The following CCDC80 variants were observed in gnomAD, a reference collection of about 807,000 sequenced individuals.
CCDC80 encodes coiled-coil domain-containing protein 80.
Under a neutral mutation model 78.7 loss-of-function variants are expected in CCDC80, and 49 were observed. That is an observed-to-expected ratio of 0.62 (90% CI 0.50 to 0.79). The LOEUF is 0.79. CCDC80 is among the 30% of genes least tolerant of loss of function. CCDC80 has a pLI of 0.00. For missense variants in CCDC80, 1,205 were observed against 1,198.6 expected, an observed-to-expected ratio of 1.01 and a Z score of -0.08; for synonymous variants, 488 against 447.0, an observed-to-expected ratio of 1.09 and a Z score of -1.16.
Position 112,630,849 on chromosome 3 carries a change from G to A in CCDC80, c.1879-580C>T, listed in dbSNP as rs186122689. On this transcript the variant is annotated intron_variant, in intron 2 of 7. Coordinates refer to ENST00000206423, the MANE Select transcript of CCDC80 (RefSeq NM_199511.3). ...TTTTGTCACATAGAATATATTCACT[G>A]TCACATTCAGCCTGCACAGAGTTGG... Among the ~76,000 whole-genome samples, 4 of 152,262 alleles carry A rather than the reference G, an allele frequency of 2.6e-5. No homozygotes were observed. The East Asian group carries it at 7.7e-4, about 29-fold the overall frequency.
At chr3:112,623,577 C>T (rs1464329650) in intron 3 of CCDC80, among the ~76,000 whole-genome samples, 2 of 152,304 alleles carry the variant, frequency 1.3e-5, no homozygotes, top group Admixed American at 6.5e-5. Context: ...GATCAATTGA[C>T]TCAGAATTAC....
At chr3:112,619,200 C>T in intron 3 of CCDC80, 96 bp from the exon 4 acceptor site, 2 of 1,164,374 alleles carry the variant, frequency 1.7e-6, no homozygotes, top group Non-Finnish European at 2.3e-6. Context: ...TCACACCAGC[C>T]TTCATTAGTT....
chr3:112,616,575 G>A (rs1254086859), intron 5 of CCDC80, 135 bp downstream of exon 5: 2 of 968,546 alleles, frequency 2.1e-6, no homozygotes, highest in Non-Finnish European at 3.1e-6. Flanking sequence ...TCAGTGGCCA[G>A]AGATGGGTAG....
At chr3:112,627,673 C>T (rs907983925) in intron 3 of CCDC80, among the ~76,000 whole-genome samples, 1 of 152,100 alleles carries the variant, frequency 6.6e-6, no homozygotes, top group Non-Finnish European at 1.5e-5. Flanking sequence ...ATCCCATGGC[C>T]GACTCCCAGT....
chr3:112,609,255 T>C (rs1195168799), intron 6 of CCDC80, among the ~76,000 whole-genome samples: 1 of 152,202 alleles, frequency 6.6e-6, no homozygotes, highest in Non-Finnish European at 1.5e-5. Flanking sequence ...ACTGCCTATA[T>C]ATCCATATCC....
intron 2 of CCDC80, among the ~76,000 whole-genome samples, chr3:112,632,916 C>A (rs571885205): frequency 6.6e-6 from 1 of 152,232 alleles, no homozygotes; most frequent in Non-Finnish European, 1.5e-5. Flanking sequence ...TAGAGCCAGA[C>A]CCAGTCTAAA....
chr3:112,623,408 C>G (rs1239140782), intron 3 of CCDC80, among the ~76,000 whole-genome samples: 1 of 152,202 alleles, frequency 6.6e-6, no homozygotes, highest in African/African-American at 2.4e-5. Context: ...CCTCTCTTGC[C>G]TAAGTTCAGG....
intron 3 of CCDC80, among the ~76,000 whole-genome samples, chr3:112,620,123 A>G (rs991074236): frequency 2.0e-5 from 3 of 152,206 alleles, no homozygotes; most frequent in African/African-American, 7.2e-5. Flanking sequence ...AACAACCACA[A>G]TTTTGCAAAT....
chr3:112,618,813 C>T lies in CCDC80; in HGVS notation c.2172+155G>A, dbSNP rs569470639. ...GAGACCACATTTCTGGATGCAAATT[C>T]GTAGGACAACATGGAAAATTTGGCC... On this transcript the variant is annotated intron_variant, in intron 4 of 7. Coordinates refer to ENST00000206423, the MANE Select transcript of CCDC80 (RefSeq NM_199511.3). Among the ~76,000 whole-genome samples, 39 of 152,324 alleles carry T rather than the reference C, an allele frequency of 2.6e-4. 1 individual carries two copies. The South Asian group carries it at 7.7e-3, about 30-fold the overall frequency.
At chr3:112,616,434 G>GAAA (rs138795484) in intron 5 of CCDC80, among the ~76,000 whole-genome samples, 13 of 35,990 alleles carry the variant, frequency 3.6e-4, no homozygotes, top group Admixed American at 2.4e-3. Flanking sequence ...CAAAGAAAGA[G>GAAA]AAAAAAAAAG....
chr3:112,622,187 T>G (rs1935881509), intron 3 of CCDC80, among the ~76,000 whole-genome samples: 1 of 152,240 alleles, frequency 6.6e-6, no homozygotes, highest in Non-Finnish European at 1.5e-5. Flanking sequence ...AGGCAAACTT[T>G]GCTTTACTAG....
rs572573022 is a variant in CCDC80 at position 112,605,138 on chromosome 3, C to G, written c.*279G>C. 7.1e-6 allele frequency: 2 copies of G among 281,868 alleles called. No homozygotes were observed. The highest frequency in any genetic ancestry group is 3.0e-4 in the South Asian group (2 of 6,582). 17.5% of individuals were successfully genotyped at this position (281,868 alleles called of 1,614,324 possible). A position where few individuals can be genotyped will look rare whatever the true frequency, so the allele number is the denominator to read the frequency against. The stretch of plus-strand genomic sequence containing the variant: ...AAAATTTTATATGCCAAATAAGGTC[C>G]TTCATATAAGAAAAGGAAAATAATA... On this transcript the variant is annotated 3_prime_UTR_variant, in exon 8 of 8. Transcript: ENST00000206423.
rs1373068645 is a variant in CCDC80 at position 112,639,503 on chromosome 3, C to T, written c.403G>A (p.Gly135Arg). ...GCAAGGATGTTGGGAGAGCTGGACC[C>T]CGAAGGGAAACGCAACATTCTTGAC... ...ARSRMLRFPS[G>R]SSSPNILASF... The change falls in exon 2 of 8, where the codon GGG (glycine) becomes AGG (arginine). Residue 135 changes from glycine to arginine, a missense_variant. By Grantham distance (125) the Gly-to-Arg change is moderately radical (BLOSUM62 -2). Transcript: ENST00000206423. 1.8e-5 allele frequency: 29 copies of T among 1,614,092 alleles called. No homozygotes were observed. Among genetic ancestry groups the T allele is most frequent in the Non-Finnish European group, 2.4e-5 (28 of 1,180,042 alleles).
At chr3:112,625,131 C>T (rs903471788) in intron 3 of CCDC80, among the ~76,000 whole-genome samples, 1 of 152,114 alleles carries the variant, frequency 6.6e-6, no homozygotes, top group East Asian at 1.9e-4. Context: ...AATATAAATG[C>T]TCCCTAAGCA....
chr3:112,634,691 AT>A (rs1936170095), intron 2 of CCDC80, among the ~76,000 whole-genome samples: 1 of 152,210 alleles, frequency 6.6e-6, no homozygotes, highest in Non-Finnish European at 1.5e-5. Flanking sequence ...ATGTATTTGT[AT>A]TCATATGTAT....
chr3:112,610,791 T>C (rs1935607059), intron 5 of CCDC80, among the ~76,000 whole-genome samples: 1 of 152,204 alleles, frequency 6.6e-6, no homozygotes, highest in Non-Finnish European at 1.5e-5. Context: ...ACTTAGTTTC[T>C]GTTTTTACAG....
Position 112,636,707 on chromosome 3 carries a change from GTGTC to G in CCDC80, c.1878+1317_1878+1320del, listed in dbSNP as rs1936214859. Among the ~76,000 whole-genome samples the G allele has an allele frequency of 2.0e-5, 3 of 152,288 alleles. No individual in the cohort carries two copies. In the South Asian group the frequency reaches 6.2e-4, roughly 32 times the overall value. Reference sequence around the variant, plus strand: ...CTCTAAAAAATGCCTTGAGAAAAGAGTGTCTGTCTCTTTTGGTGGGGGAAATGCA... The same window carrying G: ...CTCTAAAAAATGCCTTGAGAAAAGAGTGTCTCTTTTGGTGGGGGAAATGCA... On this transcript the variant is annotated intron_variant, in intron 2 of 7. Coordinates refer to ENST00000206423, the MANE Select transcript of CCDC80 (RefSeq NM_199511.3).
intron 3 of CCDC80, among the ~76,000 whole-genome samples, chr3:112,622,437 T>G (rs1338688215): frequency 6.6e-6 from 1 of 152,140 alleles, no homozygotes; most frequent in African/African-American, 2.4e-5. Flanking sequence ...GGCCAGTATG[T>G]GTGAAGCTAC....
At chr3:112,640,225 A>T in intron 1 of CCDC80, 102 bp downstream of exon 1, 1 of 301,046 alleles carries the variant, frequency 3.3e-6, no homozygotes, top group South Asian at 6.3e-5. Context: ...AGAAAATGCA[A>T]ACTAGCATAT....
Sources: allele counts gnomAD v4.1 joint callset (sites outside exome capture counted in the v4.1 genomes callset), GRCh38; gene constraint gnomAD v4.1.1; transcripts MANE v1.5; gene names NCBI Gene and HGNC (gene_info 2026-07-23, HGNC 2026-07-21).